Variants in USP11 observed in about 807,000 individuals in gnomAD.
USP11 encodes ubiquitin specific peptidase 11.
A neutral mutation model predicts 72.8 loss-of-function variants in USP11; 5 were observed. That is an observed-to-expected ratio of 0.07 (90% CI 0.04 to 0.14). USP11 has a LOEUF of 0.14. USP11 is among the 10% of genes least tolerant of loss of function. The pLI is 1.00. For synonymous variants in USP11, 368 were observed against 326.5 expected (o/e 1.13, Z -1.37); for missense variants, 480 against 794.7 (o/e 0.60, Z 4.76).
In USP11 at chrX:47,247,393, A is replaced by C. The variant is rs1192004851; in HGVS notation, c.2510A>C (p.His837Pro). The C allele has an allele frequency of 8.3e-7, 1 of 1,208,693 alleles. No homozygotes were observed. The highest frequency in any genetic ancestry group is 2.2e-5 in the Admixed American group (1 of 45,595). The change falls in exon 19 of 21, where the codon CAT (histidine) becomes CCT (proline). Residue 837 changes from histidine (H) to proline (P), a missense_variant. Transcript: ENST00000377107. ...YKYDLIAVSN[H>P]YGGMRDGHYT... ...TATGACCTCATCGCGGTTTCCAACC[A>C]TTATGGGGGCATGCGTGATGGACAC...
intron 4 of USP11, 35 bp downstream of exon 4, chrX:47,239,942 C>T (rs772167055): frequency 3.5e-6 from 4 of 1,150,971 alleles, no homozygotes; most frequent in Non-Finnish European, 3.6e-6. Context: ...GTTGGTGTTC[C>T]TAGCTACTAG....
chrX:47,244,247 C>T (rs764626188), intron 13 of USP11, among the ~76,000 whole-genome samples: 3 of 109,585 alleles, frequency 2.7e-5, no homozygotes, highest in South Asian at 4.0e-4. Context: ...TACAGCCGCG[C>T]GCCACCACGC....
intron 12 of USP11, 140 bp from the exon 13 acceptor site, chrX:47,243,256 C>G: frequency 1.6e-6 from 1 of 610,037 alleles, no homozygotes; most frequent in Non-Finnish European, 2.4e-6. Context: ...GAGCGAGACT[C>G]CGTCTCAAAA....
rs765727930 is a variant in USP11, at chrX:47,243,733, C to T, written c.1790+131C>T. 1.8e-5 allele frequency: 12 copies of T among 663,697 alleles called. No homozygotes were observed. In the South Asian group the frequency reaches 2.9e-4, roughly 16 times the overall value. The allele number at this position is 663,697 out of a possible 1,213,427, so 54.7% of individuals were successfully genotyped here. ...CAAACTTAACATGGCCATAGAAGAA[C>T]TTGTAGGGTTTTTTCTTTCTCTAGA... On this transcript the variant is annotated intron_variant, in intron 13 of 20. Transcript: ENST00000377107.
Position 47,244,666 on chromosome X carries a change from C to T in USP11, c.1844-16C>T. ...GAGGCTCACACCTTCCCATCTCTGA[C>T]ATCCTCCTGTCCTAGAAGATGACGA... On this transcript the variant is annotated splice_polypyrimidine_tract_variant and intron_variant, in intron 14 of 20. Transcript: ENST00000377107. The T allele has an allele frequency of 1.7e-6, 2 of 1,206,967 alleles. No individual in the cohort carries two copies. The highest frequency in any genetic ancestry group is 2.2e-6 in the Non-Finnish European group (2 of 892,573).
At position 47,247,660 on chromosome X, in the gene USP11, T is replaced by G; in HGVS notation, c.2586T>G (p.Asp862Glu). The change falls in exon 20 of 21, where the codon GAT (aspartate) becomes GAG (glutamate). Residue 862 changes from aspartate to glutamate, a missense_variant. Asp to Glu is a conservative substitution (Grantham distance 45). Coordinates refer to ENST00000377107, the MANE Select transcript of USP11 (RefSeq NM_001371072.1). The part of the protein sequence containing the change: ...NKDSGQWHYF[D>E]DNSVSPVNEN... ...ACAGCGGCCAGTGGCACTACTTTGA[T>G]GACAACAGCGTCTCCCCTGTCAATG... The G allele has an allele frequency of 8.3e-7, 1 of 1,211,409 alleles. No individual in the cohort carries two copies. Among genetic ancestry groups the G allele is most frequent in the Non-Finnish European group, 1.1e-6 (1 of 895,410 alleles).
chrX:47,243,127 G>A (rs1298178602), intron 12 of USP11, among the ~76,000 whole-genome samples: 1 of 111,456 alleles, frequency 9.0e-6, no homozygotes, highest in African/African-American at 3.3e-5. Context: ...GCCGGGCGTG[G>A]TGGCAGGTGC....
Position 47,244,901 on chromosome X carries a change from C to T in USP11, c.2063C>T (p.Thr688Ile), listed in dbSNP as rs2055423950. The T allele has an allele frequency of 8.3e-7, 1 of 1,210,125 alleles. No individual in the cohort carries two copies. Among genetic ancestry groups the T allele is most frequent in the Admixed American group, 2.2e-5 (1 of 45,802 alleles). ...TVNSNGTSDR[T>I]TSPEEVHAQP... Reference sequence around the variant, plus strand: ...AACTCCAATGGGACCAGCGACCGCACAACCTCCCCTGAAGAAGTCCATGGT... The same window carrying T: ...AACTCCAATGGGACCAGCGACCGCATAACCTCCCCTGAAGAAGTCCATGGT... Residue 688 changes from threonine (T) to isoleucine (I), a missense_variant, in exon 15 of 21, where the codon ACA (threonine) becomes ATA (isoleucine). Thr to Ile is a moderately conservative substitution (Grantham distance 89). Around this residue, in one of 5 missense-constraint regions of USP11, gnomAD observed 314 missense variants for 556.0 expected, o/e 0.56. Coordinates refer to ENST00000377107, the MANE Select transcript of USP11 (RefSeq NM_001371072.1).
chrX:47,239,625 T>C (rs1342656098), intron 3 of USP11, 144 bp downstream of exon 3: 1 of 1,003,026 alleles, frequency 1.0e-6, no homozygotes, highest in African/African-American at 1.9e-5. Context: ...ACAGGTATCT[T>C]TGTCTGCTGT....
Position 47,247,142 on chromosome X carries a change from C to G in USP11, c.2341C>G (p.Leu781Val), listed in dbSNP as rs1371082239. Residue 781 changes from leucine (L) to valine (V), a missense_variant, in exon 18 of 21, where the codon CTC (leucine) becomes GTC (valine). Physicochemically the swap from Leu to Val is conservative, Grantham distance 32. This residue lies in a region of USP11 where 314 missense variants were observed against 556.0 expected (regional missense o/e 0.56). Coordinates refer to ENST00000377107, the MANE Select transcript of USP11 (RefSeq NM_001371072.1). ...KLDLWMLPEI[L>V]IIHLKRFSYT... ...GGACCTGTGGATGCTGCCGGAGATT[C>G]TCATCATCCACCTGAAACGCTTTTC... 3 of 1,211,799 alleles carry G rather than the reference C, an allele frequency of 2.5e-6. No homozygotes were observed. The highest frequency in any genetic ancestry group is 3.0e-5 in the East Asian group (1 of 33,845).
rs773621726 is a variant in USP11, at chrX:47,240,867, G to C, written c.837G>C (p.Ser279=). The C allele has an allele frequency of 1.2e-5, 15 of 1,208,507 alleles. No individual in the cohort carries two copies. The highest frequency in any genetic ancestry group is 1.7e-5 in the Non-Finnish European group (15 of 893,819). The change falls in exon 7 of 21, where the codon TCG becomes TCC. Residue 279 remains serine (S), a synonymous_variant. Coordinates refer to ENST00000377107, the MANE Select transcript of USP11 (RefSeq NM_001371072.1). ...TNLGNTCFMN[S]ALQCLSNVPQ... Reference sequence around the variant, plus strand: ...TGGGCAACACGTGCTTCATGAACTCGGCCCTGCAGGTTGGGCCATTATAGT... The same window carrying C: ...TGGGCAACACGTGCTTCATGAACTCCGCCCTGCAGGTTGGGCCATTATAGT...
rs975926309 is a variant in USP11 at position 47,248,075 on chromosome X, G to A, written c.*145G>A. Reference sequence around the variant, plus strand: ...GTCGTGGCTACTGTTCTCCTGTGCCGCTGCATCGCTCTCTCCCGGGAAAGA... The same window carrying A: ...GTCGTGGCTACTGTTCTCCTGTGCCACTGCATCGCTCTCTCCCGGGAAAGA... On this transcript the variant is annotated 3_prime_UTR_variant, in exon 21 of 21. Transcript: ENST00000377107. The A allele has an allele frequency of 5.3e-5, 46 of 861,137 alleles. No homozygotes were observed. The highest frequency in any genetic ancestry group is 1.0e-4 in the East Asian group (3 of 28,868). 71.0% of individuals were successfully genotyped at this position (861,137 alleles called of 1,213,427 possible). A position where few individuals can be genotyped will look rare whatever the true frequency, so the allele number is the denominator to read the frequency against.
In USP11 at chrX:47,238,487, CT is replaced by C. The variant is rs57112058; in HGVS notation, c.177-559del. Among the ~76,000 whole-genome samples the C allele has an allele frequency of 5.9e-3, 261 of 44,282 alleles. 2 individuals carry two copies. Among genetic ancestry groups the C allele is most frequent in the African/African-American group, 9.3e-3 (86 of 9,257 alleles). The allele number at this position is 44,282 out of a possible 115,157, so 38.5% of individuals were successfully genotyped here. ...ACTGGCGTGAGCCACTGTGCCCGGT[CT>C]TTTTTTTTTTTTTTTTTTTTTTTCA... On this transcript the variant is annotated intron_variant, in intron 1 of 20. Coordinates refer to ENST00000377107, the MANE Select transcript of USP11 (RefSeq NM_001371072.1).
rs182381425 is a variant in USP11 at position 47,247,696 on chromosome X, C to A, written c.2622C>A (p.Ile874=). The A allele has an allele frequency of 8.3e-6, 10 of 1,210,757 alleles. No individual in the cohort carries two copies. Among genetic ancestry groups the A allele is most frequent in the South Asian group, 1.8e-5 (1 of 56,924 alleles). Residue 874 remains isoleucine (I), a synonymous_variant, in exon 20 of 21, where the codon ATC becomes ATA. Coordinates refer to ENST00000377107, the MANE Select transcript of USP11 (RefSeq NM_001371072.1). The stretch of plus-strand genomic sequence containing the variant: ...TCTCCCCTGTCAATGAGAATCAGAT[C>A]GAGGTGTGACTTCCATCCTACCTCC... ...NSVSPVNENQ[I]ESKAAYVLFY... is the part of the protein sequence containing the mutation.
chrX:47,245,000 T>C lies in USP11; in HGVS notation c.2087-16T>C. On this transcript the variant is annotated splice_polypyrimidine_tract_variant and intron_variant, in intron 15 of 20. Transcript: ENST00000377107. ...CCTGGCAGCAGGATCCATGACCACCTCTCCCTCACCCCCAGCCCAGCCGTA... is the reference window on the plus strand; with the variant it reads ...CCTGGCAGCAGGATCCATGACCACCCCTCCCTCACCCCCAGCCCAGCCGTA... The C allele has an allele frequency of 8.3e-7, 1 of 1,210,345 alleles. No homozygotes were observed. The highest frequency in any genetic ancestry group is 1.1e-6 in the Non-Finnish European group (1 of 895,017).
chrX:47,235,112 C>A (rs1377561373), intron 1 of USP11, among the ~76,000 whole-genome samples: 1 of 112,135 alleles, frequency 8.9e-6, no homozygotes. Context: ...TGTGCCCCTC[C>A]CAGATGGAAA....
At position 47,245,098 on chromosome X, in the gene USP11, C is replaced by G. The variant is rs368757921; in HGVS notation, c.2157+12C>G. 4.1e-6 allele frequency: 5 copies of G among 1,206,533 alleles called. No homozygotes were observed. In the African/African-American group the frequency reaches 8.7e-5, roughly 21 times the overall value. ...AGGTAGAGGCTGAGGTAAATGAGAT[C>G]CCAGGGATGGGGGGTACTTCCAGCT... On this transcript the variant is annotated intron_variant, in intron 16 of 20. Coordinates refer to ENST00000377107, the MANE Select transcript of USP11 (RefSeq NM_001371072.1).
rs1303250597 is a variant in USP11, at chrX:47,242,540, G to A, written c.1488+18G>A. The A allele has an allele frequency of 8.3e-7, 1 of 1,209,764 alleles. No homozygotes were observed. The highest frequency in any genetic ancestry group is 1.7e-5 in the African/African-American group (1 of 57,252). ...CAGAGAGGGTGAGACTGCAGAAGGA[G>A]GCTGGATGGGATTCCAGGGCAAGGA... On this transcript the variant is annotated intron_variant, in intron 11 of 20. Coordinates refer to ENST00000377107, the MANE Select transcript of USP11 (RefSeq NM_001371072.1).
At chrX:47,241,221 A>G (rs2055401293) in intron 7 of USP11, 56 bp from the exon 8 acceptor site, 2 of 1,124,773 alleles carry the variant, frequency 1.8e-6, no homozygotes, top group East Asian at 3.1e-5. Flanking sequence ...GTGTATCCTC[A>G]CTTTGAACCT....
Sources: allele counts gnomAD v4.1 joint callset (sites outside exome capture counted in the v4.1 genomes callset), GRCh38; gene constraint gnomAD v4.1.1; regional missense constraint gnomAD v4.1.1; transcripts MANE v1.5; gene names NCBI Gene and HGNC (gene_info 2026-07-23, HGNC 2026-07-21).